The following KPNA7 variants were observed in gnomAD, a reference collection of about 807,000 sequenced individuals.
The protein encoded by KPNA7 is karyopherin subunit alpha 7, also known as importin subunit alpha-8.
KPNA7 carries 54 observed loss-of-function variants against 53.7 expected under a neutral mutation model. The observed-to-expected ratio is 1.01, with a 90% CI of 0.81 to 1.26. The LOEUF (loss-of-function observed/expected upper bound fraction) is 1.26, where lower values mean the gene tolerates loss of function less well. Ranked by LOEUF, KPNA7 falls within the 50% of genes most tolerant of loss-of-function variation. KPNA7 has a pLI of 0.00. For synonymous variants in KPNA7, 276 were observed against 259.3 expected (o/e 1.06, Z -0.62); for missense variants, 640 against 644.5 (o/e 0.99, Z 0.07).
chr7:99,218,561 G>T (rs73405119), intron 1 of KPNA7, among the ~76,000 whole-genome samples: 2,560 of 152,204 alleles, frequency 0.017, 90 homozygotes, highest in African/African-American at 0.06. Flanking sequence ...CAGACACCCC[G>T]CAAGCCCGCG....
intron 5 of KPNA7, 56 bp downstream of exon 5, chr7:99,195,014 A>T: frequency 2.0e-6 from 3 of 1,522,060 alleles, no homozygotes; most frequent in South Asian, 2.5e-5. Flanking sequence ...AAGAAACCTT[A>T]TAGTATCCCA....
In KPNA7 at chr7:99,188,221, T is replaced by C. The variant is rs1255904405; in HGVS notation, c.900+79A>G. The C allele has an allele frequency of 2.1e-5, 25 of 1,197,952 alleles. No homozygotes were observed. The East Asian group carries it at 7.0e-4, about 33-fold the overall frequency. The allele number at this position is 1,197,952 out of a possible 1,614,324, so 74.2% of individuals were successfully genotyped here. A position where few individuals can be genotyped will look rare whatever the true frequency, so the allele number is the denominator to read the frequency against. On this transcript the variant is annotated intron_variant, in intron 7 of 10. Coordinates refer to ENST00000327442, the MANE Select transcript of KPNA7 (RefSeq NM_001145715.3). ...AAAGCAAAGACCAGGGAAATGCAGA[T>C]GACAAACCTTGCCCCAGAACCTGCT... is the stretch of plus-strand genomic sequence containing the variant.
chr7:99,157,966 T>C, the KPNA7 span, among the ~76,000 whole-genome samples: 2 of 151,872 alleles, frequency 1.3e-5, no homozygotes, highest in Admixed American at 6.6e-5. Context: ...TTTGTAGAGA[T>C]GGGTCTCCTT....
At chr7:99,167,610 C>T in the KPNA7 span, among the ~76,000 whole-genome samples, 2 of 138,226 alleles carry the variant, frequency 1.4e-5, no homozygotes, top group African/African-American at 5.4e-5. Flanking sequence ...CCATCACACC[C>T]AACTTTTTTT....
the KPNA7 span, among the ~76,000 whole-genome samples, chr7:99,153,826 T>C: frequency 2.0e-5 from 3 of 151,474 alleles, no homozygotes; most frequent in Non-Finnish European, 4.4e-5. Context: ...AAAATAAAAA[T>C]CAGCCAGGTG....
chr7:99,176,974 A>G (rs1742491790), intron 10 of KPNA7, among the ~76,000 whole-genome samples: 1 of 152,208 alleles, frequency 6.6e-6, no homozygotes, highest in South Asian at 2.1e-4. Context: ...GGTAGAAGAA[A>G]CTCACATGTC....
In KPNA7 at chr7:99,188,578, C is replaced by T; in HGVS notation, c.637-15G>A. The T allele has an allele frequency of 6.5e-7, 1 of 1,547,772 alleles. No homozygotes were observed. Among genetic ancestry groups the T allele is most frequent in the East Asian group, 2.5e-5 (1 of 40,812 alleles). On this transcript the variant is annotated splice_polypyrimidine_tract_variant and intron_variant, in intron 6 of 10. Transcript: ENST00000327442. ...AGAAATGTGATCTGTAACAAGGAGACTGCCTCCAGCATTGGGTGCAAAGGA... is the reference window on the plus strand; with the variant it reads ...AGAAATGTGATCTGTAACAAGGAGATTGCCTCCAGCATTGGGTGCAAAGGA...
In KPNA7 at chr7:99,188,251, T is replaced by C. The variant is rs764195081; in HGVS notation, c.900+49A>G. On this transcript the variant is annotated intron_variant, in intron 7 of 10. Transcript: ENST00000327442. ...AACCTTGCCCCAGAACCTGCTAAAG[T>C]GACTATGACCCGAGGACTCGAATCC... 8 of 1,512,386 alleles carry C rather than the reference T, an allele frequency of 5.3e-6. No homozygotes were observed. In the African/African-American group the frequency reaches 1.0e-4, roughly 19 times the overall value. 93.7% of individuals were successfully genotyped at this position (1,512,386 alleles called of 1,614,324 possible).
At chr7:99,194,682 C>T (rs527528654) in intron 5 of KPNA7, among the ~76,000 whole-genome samples, 1 of 152,280 alleles carries the variant, frequency 6.6e-6, no homozygotes, top group East Asian at 1.9e-4. Flanking sequence ...TGGTTCACTG[C>T]AACTTCCTCC....
chr7:99,190,934 A>G (rs539877146), intron 6 of KPNA7, among the ~76,000 whole-genome samples: 6 of 152,012 alleles, frequency 3.9e-5, no homozygotes, highest in Admixed American at 6.6e-5. Flanking sequence ...ACATCTGTCA[A>G]TCCGACTCTG....
intron 3 of KPNA7, among the ~76,000 whole-genome samples, chr7:99,198,893 G>A (rs1790365502): frequency 6.6e-6 from 1 of 152,046 alleles, no homozygotes; most frequent in East Asian, 1.9e-4. Flanking sequence ...AAAGCCTAGA[G>A]CTAATAAAAT....
At chr7:99,190,280 T>A (rs1789868513) in intron 6 of KPNA7, among the ~76,000 whole-genome samples, 1 of 145,902 alleles carries the variant, frequency 6.9e-6, no homozygotes, top group African/African-American at 2.6e-5. Context: ...GAGGTTGCAG[T>A]GAGCTGAGAT....
At chr7:99,170,178 G>A (rs188808416), downstream of KPNA7, among the ~76,000 whole-genome samples, 24 of 152,282 alleles carry the variant, frequency 1.6e-4, no homozygotes, top group African/African-American at 5.8e-4. Flanking sequence ...AGAGATCCAA[G>A]GACATCAGAC....
intron 10 of KPNA7, among the ~76,000 whole-genome samples, chr7:99,177,030 T>C (rs550990330): frequency 6.6e-6 from 1 of 152,336 alleles, no homozygotes; most frequent in East Asian, 1.9e-4. Context: ...ATACATTCAA[T>C]GGAGTGTTAG....
chr7:99,205,780 G>A (rs1790781797), intron 2 of KPNA7, among the ~76,000 whole-genome samples: 1 of 152,182 alleles, frequency 6.6e-6, no homozygotes, highest in Non-Finnish European at 1.5e-5. Context: ...GAACCTGGGA[G>A]GCAGAGGTTG....
intron 3 of KPNA7, among the ~76,000 whole-genome samples, chr7:99,201,708 G>T (rs538679190): frequency 4.0e-4 from 61 of 151,234 alleles, no homozygotes; most frequent in African/African-American, 1.4e-3. Flanking sequence ...CAACTTTTTG[G>T]GGTTGTTTGT....
At chr7:99,187,539 C>T (rs1476023022) in intron 7 of KPNA7, among the ~76,000 whole-genome samples, 3 of 147,138 alleles carry the variant, frequency 2.0e-5, no homozygotes, top group Non-Finnish European at 3.0e-5. Context: ...CAGGTATGCA[C>T]CACCACACCC....
rs1385857547 is a variant in KPNA7 at position 99,181,167 on chromosome 7, CCG to C, written c.1317+714_1317+715del. On this transcript the variant is annotated intron_variant, in intron 9 of 10. Coordinates refer to ENST00000327442, the MANE Select transcript of KPNA7 (RefSeq NM_001145715.3). ...TCTCTCTCCGTCTGTGTCTCTCTCT[CCG>C]TCTGTGTCTCTCTCTCCGTCTGTGT... 3.5e-4 allele frequency among the ~76,000 whole-genome samples: 43 copies of C among 123,996 alleles called. 2 individuals are homozygous for C. The highest frequency in any genetic ancestry group is 8.5e-4 in the African/African-American group (30 of 35,490). The allele number at this position is 123,996 out of a possible 152,430, so 81.3% of individuals were successfully genotyped here.
intron 1 of KPNA7, among the ~76,000 whole-genome samples, chr7:99,216,497 C>T (rs1791219985): frequency 6.6e-6 from 1 of 152,238 alleles, no homozygotes; most frequent in South Asian, 2.1e-4. Flanking sequence ...GTGACAGGTA[C>T]CAGAGGCCCT....
Sources: allele counts gnomAD v4.1 joint callset (sites outside exome capture counted in the v4.1 genomes callset), GRCh38; gene constraint gnomAD v4.1.1; transcripts MANE v1.5; gene names NCBI Gene and HGNC (gene_info 2026-07-23, HGNC 2026-07-21).